MARCO: variants seen among roughly 807,000 people sequenced by gnomAD.
MARCO encodes the protein macrophage receptor MARCO.
A neutral mutation model predicts 70.0 loss-of-function variants in MARCO; 72 were observed. That is an observed-to-expected ratio of 1.03 (90% CI 0.85 to 1.25). The LOEUF (loss-of-function observed/expected upper bound fraction) is 1.25. Among genes scored for constraint, MARCO ranks in the 50% most tolerant of loss-of-function variants. MARCO has a pLI of 0.00. For missense variants in MARCO, 696 were observed against 659.3 expected (o/e 1.06, Z -0.61); for synonymous variants, 273 against 243.1 (o/e 1.12, Z -1.14).
chr2:118,947,334 G>A (rs1258238478), intron 1 of MARCO, among the ~76,000 whole-genome samples: 1 of 152,070 alleles, frequency 6.6e-6, no homozygotes, highest in Non-Finnish European at 1.5e-5. Context: ...ATCTCACTAT[G>A]TTGCCCAAGT....
At chr2:118,980,687 C>A (rs553893030) in intron 8 of MARCO, among the ~76,000 whole-genome samples, 1 of 152,278 alleles carries the variant, frequency 6.6e-6, no homozygotes, top group East Asian at 1.9e-4. Context: ...GAGTTGAGCA[C>A]GGACACCCAG....
At position 118,991,164 on chromosome 2, in the gene MARCO, C is replaced by A. The variant is rs1680614585; in HGVS notation, c.1108+531C>A. ...GTTTCTAGGCCTCTCAAGAGCCCTGCCCCTGTGAGTGCAAAAGTGAGATTT... is the reference window on the plus strand; with the variant it reads ...GTTTCTAGGCCTCTCAAGAGCCCTGACCCTGTGAGTGCAAAAGTGAGATTT... On this transcript the variant is annotated intron_variant, in intron 13 of 16. Coordinates refer to ENST00000327097, the MANE Select transcript of MARCO (RefSeq NM_006770.4). Among the ~76,000 whole-genome samples, 4 of 152,162 alleles carry A rather than the reference C, an allele frequency of 2.6e-5. 1 individual carries two copies. The South Asian group carries it at 8.3e-4, about 32-fold the overall frequency.
At chr2:118,953,539 TGGAGGTGGGG>T (rs1454391809) in intron 1 of MARCO, among the ~76,000 whole-genome samples, 1 of 152,202 alleles carries the variant, frequency 6.6e-6, no homozygotes, top group Non-Finnish European at 1.5e-5. Context: ...AAAAGTTTTC[TGGAGGTGGGG>T]GGAACGATGG....
At chr2:118,943,989 T>C (rs1679550600) in intron 1 of MARCO, among the ~76,000 whole-genome samples, 1 of 151,968 alleles carries the variant, frequency 6.6e-6, no homozygotes, top group African/African-American at 2.4e-5. Context: ...GGGCAGTGGA[T>C]GGAAGGCAGG....
intron 1 of MARCO, among the ~76,000 whole-genome samples, chr2:118,954,756 ACC>A (rs1679796553): frequency 6.6e-6 from 1 of 151,948 alleles, no homozygotes; most frequent in Non-Finnish European, 1.5e-5. Flanking sequence ...TGTGCAGACA[ACC>A]CCCAGTACCA....
chr2:118,993,404 G>C, intron 16 of MARCO, 104 bp downstream of exon 16: 1 of 1,190,668 alleles, frequency 8.4e-7, no homozygotes, highest in Non-Finnish European at 1.2e-6. Context: ...TTCTTTAAAA[G>C]AAAAATATTG....
chr2:118,981,474 A>T lies in MARCO; in HGVS notation c.832A>T (p.Ser278Cys). 1 of 1,599,850 alleles carries T rather than the reference A, an allele frequency of 6.3e-7. No homozygotes were observed. Among genetic ancestry groups the T allele is most frequent in the Non-Finnish European group, 8.5e-7 (1 of 1,176,866 alleles). The change falls in exon 9 of 17, where the codon AGT becomes TGT. Residue 278 changes from serine (S) to cysteine (C), a missense_variant. Ser to Cys is a moderately radical substitution (Grantham distance 112, BLOSUM62 -1). Coordinates refer to ENST00000327097, the MANE Select transcript of MARCO (RefSeq NM_006770.4). ...CATGGGGCCTCCTGGAGCCCAGGGG[A>T]GTAAAGGTGACTTCGGGAGGCCAGG... Reference protein sequence around the residue: ...GVMGPPGAQGSKGDFGRPGPP... With the variant: ...GVMGPPGAQGCKGDFGRPGPP...
chr2:118,982,087 C>A, intron 10 of MARCO, 69 bp from the exon 11 acceptor site: 2 of 1,085,492 alleles, frequency 1.8e-6, no homozygotes, highest in South Asian at 1.4e-5. Context: ...AAAACAGAAG[C>A]ACTGGGGGTT....
At chr2:118,959,782 G>T (rs1679907930) in intron 1 of MARCO, among the ~76,000 whole-genome samples, 1 of 152,158 alleles carries the variant, frequency 6.6e-6, no homozygotes. Context: ...ATACTACTCA[G>T]CCATAAAAAG....
chr2:118,972,721 A>C lies in MARCO; in HGVS notation c.460+1187A>C, dbSNP rs534121629. 2.0e-5 allele frequency among the ~76,000 whole-genome samples: 3 copies of C among 152,308 alleles called. No individual in the cohort carries two copies. The East Asian group carries it at 5.8e-4, about 29-fold the overall frequency. On this transcript the variant is annotated intron_variant, in intron 4 of 16. Transcript: ENST00000327097. Reference sequence around the variant, plus strand: ...TTGTTATTCTGTTATTCTTGAGAAAACTAAATGCTGCTGCTAGGAGAGCCT... The same window carrying C: ...TTGTTATTCTGTTATTCTTGAGAAACCTAAATGCTGCTGCTAGGAGAGCCT...
intron 1 of MARCO, among the ~76,000 whole-genome samples, chr2:118,966,796 T>C (rs891131298): frequency 5.3e-5 from 8 of 152,198 alleles, no homozygotes; most frequent in African/African-American, 1.7e-4. Flanking sequence ...TAAAATTTAG[T>C]GCTGTCCAAA....
intron 12 of MARCO, among the ~76,000 whole-genome samples, chr2:118,983,063 A>C (rs984346204): frequency 6.6e-6 from 1 of 152,228 alleles, no homozygotes. Context: ...TTCTGCCCTG[A>C]CATGCAGGGT....
chr2:118,955,328 G>C (rs1399520004), intron 1 of MARCO, among the ~76,000 whole-genome samples: 3 of 152,138 alleles, frequency 2.0e-5, no homozygotes, highest in Non-Finnish European at 4.4e-5. Context: ...CTCAGTGATA[G>C]AATTGGATAA....
At chr2:118,966,924 G>A (rs1680062943) in intron 1 of MARCO, among the ~76,000 whole-genome samples, 1 of 152,146 alleles carries the variant, frequency 6.6e-6, no homozygotes, top group Non-Finnish European at 1.5e-5. Flanking sequence ...AATACCTGAG[G>A]CCCTGAGTTG....
intron 1 of MARCO, among the ~76,000 whole-genome samples, chr2:118,963,571 T>C (rs1233164956): frequency 1.3e-5 from 2 of 152,188 alleles, no homozygotes; most frequent in African/African-American, 4.8e-5. Flanking sequence ...CTGCTGTTGC[T>C]ACCTGGAGTA....
intron 1 of MARCO, among the ~76,000 whole-genome samples, chr2:118,968,130 T>C (rs1271517238): frequency 6.6e-6 from 1 of 152,214 alleles, no homozygotes; most frequent in Non-Finnish European, 1.5e-5. Context: ...GAATAGGTGC[T>C]CATTTAATGT....
chr2:118,956,245 G>A (rs1679835428), intron 1 of MARCO, among the ~76,000 whole-genome samples: 1 of 152,134 alleles, frequency 6.6e-6, no homozygotes, highest in Non-Finnish European at 1.5e-5. Flanking sequence ...AACTTCAGGA[G>A]ACTCACCTAA....
chr2:118,993,331 C>T, intron 16 of MARCO, 31 bp downstream of exon 16: 1 of 1,609,012 alleles, frequency 6.2e-7, no homozygotes, highest in South Asian at 1.1e-5. Context: ...GGGCCTCTTC[C>T]CCAGAGGTGT....
At chr2:118,961,612 T>C (rs1362798535) in intron 1 of MARCO, among the ~76,000 whole-genome samples, 1 of 152,214 alleles carries the variant, frequency 6.6e-6, no homozygotes, top group East Asian at 1.9e-4. Context: ...AGATTCTGAA[T>C]ATTAGACCTT....
Sources: gnomAD v4.1 joint callset for allele counts (sites outside exome capture counted in the v4.1 genomes callset) on GRCh38, gnomAD v4.1.1 for gene constraint, MANE v1.5 for transcripts, NCBI Gene and HGNC (gene_info 2026-07-23, HGNC 2026-07-21) for gene names.